The following APOL4 variants were observed in gnomAD, a reference collection of about 807,000 sequenced individuals.
APOL4 encodes apolipoprotein L, 4.
In APOL4, 14 loss-of-function variants were observed where a neutral mutation model predicts 12.1. The observed-to-expected ratio is 1.16, with a 90% CI of 0.76 to 1.81. The LOEUF is 1.81. Among genes scored for constraint, APOL4 ranks in the 40% most tolerant of loss-of-function variants. The pLI, the probability that APOL4 is intolerant of heterozygous loss-of-function variation, is 0.00. For missense variants in APOL4, 432 were observed against 423.1 expected, an observed-to-expected ratio of 1.02 and a Z score of -0.18; for synonymous variants, 171 against 160.6, an observed-to-expected ratio of 1.06 and a Z score of -0.49.
chr22:36,197,653 A>G (rs2014450451), intron 2 of APOL4: 1 of 1,548,982 alleles, frequency 6.5e-7, no homozygotes, highest in African/African-American at 1.4e-5. Context: ...TCAGACACAA[A>G]CACAGCTTAA....
chr22:36,199,722 C>T lies in APOL4; in HGVS notation c.36-346G>A, dbSNP rs150182820. 1.2e-3 allele frequency: 1,679 copies of T among 1,386,880 alleles called. 21 individuals are homozygous for T. In the African/African-American group the frequency reaches 0.022, roughly 18 times the overall value. 85.9% of individuals were successfully genotyped at this position (1,386,880 alleles called of 1,614,324 possible). A position where few individuals can be genotyped will look rare whatever the true frequency, so the allele number is the denominator to read the frequency against. On this transcript the variant is annotated intron_variant, in intron 1 of 3. Coordinates refer to ENST00000683024, the MANE Select transcript of APOL4 (RefSeq NM_001386885.1). Reference sequence around the variant, plus strand: ...TGGGAAGGAACGTTCTAACAATGACCGGAAACATGTGTGACAACTAATTGA... The same window carrying T: ...TGGGAAGGAACGTTCTAACAATGACTGGAAACATGTGTGACAACTAATTGA...
chr22:36,198,592 G>C (rs555510812), intron 2 of APOL4, among the ~76,000 whole-genome samples: 1 of 152,330 alleles, frequency 6.6e-6, no homozygotes, highest in Admixed American at 6.5e-5. Context: ...GAAGGGGGTG[G>C]CTTCCACTTA....
At chr22:36,197,683 G>C in intron 2 of APOL4, 2 of 1,550,440 alleles carry the variant, frequency 1.3e-6, no homozygotes, top group South Asian at 2.4e-5. Flanking sequence ...GTCATGAGCA[G>C]CCAGCTGACA....
Position 36,201,518 on chromosome 22 carries a change from G to T in APOL4, c.35+182C>A, listed in dbSNP as rs9610444. 3.6e-4 allele frequency: 370 copies of T among 1,038,410 alleles called. 2 individuals carry two copies. The African/African-American group carries it at 5.5e-3, about 15-fold the overall frequency. 64.3% of individuals were successfully genotyped at this position (1,038,410 alleles called of 1,614,324 possible). A position where few individuals can be genotyped will look rare whatever the true frequency, so the allele number is the denominator to read the frequency against. On this transcript the variant is annotated intron_variant, in intron 1 of 3. Coordinates refer to ENST00000683024, the MANE Select transcript of APOL4 (RefSeq NM_001386885.1). ...GGAGTATGCAGAGGGGCGTCTGGGC[G>T]CTTCTTGCTGTAAGGGACAGGGGTG...
At chr22:36,202,871 T>A (rs1437337288), upstream of APOL4, among the ~76,000 whole-genome samples, 1 of 152,194 alleles carries the variant, frequency 6.6e-6, no homozygotes, top group African/African-American at 2.4e-5. Flanking sequence ...GGAGGTGACT[T>A]GCCCAGAGTC....
intron 1 of APOL4, among the ~76,000 whole-genome samples, chr22:36,201,408 G>C (rs576732881): frequency 2.0e-5 from 3 of 151,238 alleles, no homozygotes; most frequent in African/African-American, 7.3e-5. Flanking sequence ...TTGTCTCAGG[G>C]TTCAGACACA....
chr22:36,194,787 A>G (rs187443943), intron 3 of APOL4, among the ~76,000 whole-genome samples: 4 of 152,276 alleles, frequency 2.6e-5, no homozygotes, highest in Non-Finnish European at 5.9e-5. Context: ...GAAGTTCAGG[A>G]AAAGGGCCCC....
chr22:36,193,055 A>C (rs1236821378), intron 3 of APOL4, among the ~76,000 whole-genome samples: 1 of 152,180 alleles, frequency 6.6e-6, no homozygotes, highest in South Asian at 2.1e-4. Flanking sequence ...CCCAAAGTCA[A>C]TTTAGAGAGG....
At position 36,191,771 on chromosome 22, in the gene APOL4, C is replaced by T; in HGVS notation, c.351G>A (p.Gln117=). 6.2e-7 allele frequency: 1 copy of T among 1,612,734 alleles called. No individual in the cohort carries two copies. The highest frequency in any genetic ancestry group is 1.3e-5 in the African/African-American group (1 of 74,830). The change falls in exon 4 of 4, where the codon CAG becomes CAA. Residue 117 remains glutamine, a synonymous_variant. Coordinates refer to ENST00000683024, the MANE Select transcript of APOL4 (RefSeq NM_001386885.1). ...TGACACGAAGCCTTTCTATGGACTC[C>T]TGAATCTTCCATCTGATTTGAGGAA... ...KEFPQIRWKI[Q]ESIERLRVIA...
intron 2 of APOL4, among the ~76,000 whole-genome samples, chr22:36,198,190 T>C (rs1350576990): frequency 6.6e-6 from 1 of 152,208 alleles, no homozygotes; most frequent in Non-Finnish European, 1.5e-5. Flanking sequence ...CTCAAATTCT[T>C]TCTCTCTTCG....
In APOL4 at chr22:36,192,983, T is replaced by G. The variant is rs539747091; in HGVS notation, c.210-1071A>C. ...GCCTCTTCTCCTCTAGACATTGACC[T>G]TGGCCTTCCATGCCCATCCCGTGCT... On this transcript the variant is annotated intron_variant, in intron 3 of 3. Transcript: ENST00000683024. Among the ~76,000 whole-genome samples the G allele has an allele frequency of 2.6e-5, 4 of 152,332 alleles. No individual in the cohort carries two copies. The South Asian group carries it at 8.3e-4, about 32-fold the overall frequency.
Position 36,191,902 on chromosome 22 carries a change from C to T in APOL4, c.220G>A (p.Asp74Asn), listed in dbSNP as rs1358464751. The part of the protein sequence containing the change: ...RVAELPREEA[D>N]ALYEALKNLT... ...TTCTTCAGAGCTTCATAGAGAGCAT[C>T]TGCCTCTTCCCTGTACCAATAAAGG... The change falls in exon 4 of 4, where the codon GAT becomes AAT. Residue 74 changes from aspartate to asparagine, a missense_variant. Transcript: ENST00000683024. 1.3e-6 allele frequency: 2 copies of T among 1,597,528 alleles called. No homozygotes were observed. Among genetic ancestry groups the T allele is most frequent in the Admixed American group, 3.4e-5 (2 of 58,740 alleles).
chr22:36,201,894 A>G (rs2014593520), upstream of APOL4: 1 of 1,602,296 alleles, frequency 6.2e-7, no homozygotes, highest in African/African-American at 1.3e-5. Flanking sequence ...GGTTCCTAGA[A>G]AAACCCACAT....
upstream of APOL4, among the ~76,000 whole-genome samples, chr22:36,203,766 GCT>G (rs769630076): frequency 4.6e-5 from 7 of 152,210 alleles, no homozygotes; most frequent in Non-Finnish European, 1.0e-4. Context: ...CCATTCATAG[GCT>G]CTCTGCAGGG....
chr22:36,192,289 G>C (rs928092053), intron 3 of APOL4, among the ~76,000 whole-genome samples: 7 of 151,892 alleles, frequency 4.6e-5, no homozygotes, highest in African/African-American at 1.7e-4. Context: ...GCAGTGAGCC[G>C]AGATCGCGCC....
intron 2 of APOL4, among the ~76,000 whole-genome samples, chr22:36,198,188 C>G (rs189956972): frequency 6.6e-6 from 1 of 152,192 alleles, no homozygotes; most frequent in Non-Finnish European, 1.5e-5. Context: ...GCCTCAAATT[C>G]TTTCTCTCTT....
chr22:36,190,782 T>C lies in APOL4; in HGVS notation c.*293A>G, dbSNP rs1349190045. ...TCTACAATTTGTGCAGTTAACGCAA[T>C]TATCACATGGTCCTGAGGTGACATA... On this transcript the variant is annotated 3_prime_UTR_variant, in exon 4 of 4. Coordinates refer to ENST00000683024, the MANE Select transcript of APOL4 (RefSeq NM_001386885.1). 2.7e-5 allele frequency: 9 copies of C among 332,242 alleles called. No individual in the cohort carries two copies. Among genetic ancestry groups the C allele is most frequent in the Non-Finnish European group, 4.5e-5 (8 of 179,632 alleles). The allele number at this position is 332,242 out of a possible 1,614,324, so 20.6% of individuals were successfully genotyped here.
At chr22:36,195,083 G>A (rs2014364582) in intron 3 of APOL4, 1 of 479,000 alleles carries the variant, frequency 2.1e-6, no homozygotes, top group South Asian at 3.2e-5. Flanking sequence ...ACCAGTAGAT[G>A]GCAGAACTGA....
At chr22:36,197,458 A>G (rs912447971) in intron 2 of APOL4, 2 of 826,150 alleles carry the variant, frequency 2.4e-6, no homozygotes, top group South Asian at 6.6e-5. Flanking sequence ...GGGAACCTCC[A>G]GCACTAAATT....
Sources: gnomAD v4.1 joint callset for allele counts (sites outside exome capture counted in the v4.1 genomes callset) on GRCh38, gnomAD v4.1.1 for gene constraint, MANE v1.5 for transcripts, NCBI Gene and HGNC (gene_info 2026-07-23, HGNC 2026-07-21) for gene names.